Variants in NTRK3 observed in about 807,000 individuals in gnomAD.
NTRK3 encodes neurotrophic receptor tyrosine kinase 3.
A neutral mutation model predicts 91.7 loss-of-function variants in NTRK3; 24 were observed. The ratio of observed to expected loss-of-function variants is 0.26; its 90% CI spans 0.19 to 0.37. The LOEUF (loss-of-function observed/expected upper bound fraction) is 0.37, where lower values mean the gene tolerates loss of function less well. NTRK3 is among the 10% of genes least tolerant of loss of function. The pLI is 1.00. For missense variants in NTRK3, 880 were observed against 1,068.9 expected, an observed-to-expected ratio of 0.82 and a Z score of 2.46; for synonymous variants, 483 against 404.0, an observed-to-expected ratio of 1.20 and a Z score of -2.34.
chr15:87,964,524 C>G (rs2072612846), intron 14 of NTRK3, among the ~76,000 whole-genome samples: 1 of 151,868 alleles, frequency 6.6e-6, no homozygotes, highest in Non-Finnish European at 1.5e-5. Flanking sequence ...TAAAATTCAC[C>G]TATTTTAATG....
At chr15:87,863,769 G>A (rs764730006) in exon 19 of NTRK3, 1 of 229,882 alleles carries the variant, frequency 4.4e-6, no homozygotes, top group Non-Finnish European at 8.6e-6. Context: ...TAATTTATAT[G>A]GCTTGCTATG....
rs1163622077 is a variant in NTRK3, at chr15:87,942,627, G to T, written c.1586-1874C>A. Among the ~76,000 whole-genome samples the T allele has an allele frequency of 3.3e-5, 5 of 152,294 alleles. No individual in the cohort carries two copies. In the East Asian group the frequency reaches 9.7e-4, roughly 29 times the overall value. Reference sequence around the variant, plus strand: ...AAGCCCACATCTCTGAACACGCCGGGATTGGGAAGGCCTGGGAAGCCACAG... The same window carrying T: ...AAGCCCACATCTCTGAACACGCCGGTATTGGGAAGGCCTGGGAAGCCACAG... On this transcript the variant is annotated intron_variant, in intron 14 of 18. Coordinates refer to ENST00000394480, the Ensembl canonical transcript of NTRK3.
intron 3 of NTRK3, among the ~76,000 whole-genome samples, chr15:88,217,612 AGTT>A (rs1378815022): frequency 3.9e-5 from 6 of 152,142 alleles, no homozygotes; most frequent in South Asian, 4.1e-4. Flanking sequence ...AATGAGGAAG[AGTT>A]GTTGTTTAAT....
chr15:88,132,574 G>A (rs888226895), intron 10 of NTRK3, among the ~76,000 whole-genome samples: 1 of 152,190 alleles, frequency 6.6e-6, no homozygotes, highest in African/African-American at 2.4e-5. Context: ...ATGCTTAGCT[G>A]CCTGGAAGCA....
intron 3 of NTRK3, among the ~76,000 whole-genome samples, chr15:88,186,288 T>C (rs2046938618): frequency 1.3e-5 from 2 of 152,186 alleles, no homozygotes; most frequent in Admixed American, 6.5e-5. Context: ...ATTCCATAAA[T>C]GTGTTGTTAC....
At chr15:88,053,727 TA>T (rs1410521194) in intron 13 of NTRK3, among the ~76,000 whole-genome samples, 1 of 152,196 alleles carries the variant, frequency 6.6e-6, no homozygotes, top group Non-Finnish European at 1.5e-5. Context: ...GAAATATGTG[TA>T]AAATACTTAG....
At chr15:88,244,338 T>A (rs1008092841) in intron 3 of NTRK3, among the ~76,000 whole-genome samples, 29 of 152,134 alleles carry the variant, frequency 1.9e-4, no homozygotes, top group African/African-American at 6.3e-4. Flanking sequence ...CCCAATAACA[T>A]CTTACTTTGC....
chr15:87,926,059 A>G (rs1159115659), intron 17 of NTRK3, among the ~76,000 whole-genome samples: 1 of 152,248 alleles, frequency 6.6e-6, no homozygotes, highest in Non-Finnish European at 1.5e-5. Context: ...AAAATTGAAC[A>G]GAGGTTAGAG....
chr15:87,947,642 C>G (rs1053225064), intron 14 of NTRK3, among the ~76,000 whole-genome samples: 1 of 151,580 alleles, frequency 6.6e-6, no homozygotes, highest in Non-Finnish European at 1.5e-5. Flanking sequence ...GAGTCCTGAG[C>G]GTGACTACAC....
At position 88,177,819 on chromosome 15, in the gene NTRK3, T is replaced by C. The variant is rs946521657; in HGVS notation, c.395+5599A>G. Among the ~76,000 whole-genome samples, 13 of 152,348 alleles carry C rather than the reference T, an allele frequency of 8.5e-5. No individual in the cohort carries two copies. In the East Asian group the frequency reaches 2.5e-3, roughly 29 times the overall value. On this transcript the variant is annotated intron_variant, in intron 5 of 18. Coordinates refer to ENST00000394480, the Ensembl canonical transcript of NTRK3. ...GACCAACATGTGTTGGGAGGAAATC[T>C]TTAATAGCAAAAACATATATATTGA...
chr15:88,074,364 T>C (rs537216384), intron 13 of NTRK3, among the ~76,000 whole-genome samples: 5 of 152,244 alleles, frequency 3.3e-5, no homozygotes, highest in Non-Finnish European at 7.3e-5. Flanking sequence ...ACTGAGCTCT[T>C]GAAATGTGGC....
At chr15:87,923,288 G>A (rs2068025004) in intron 17 of NTRK3, among the ~76,000 whole-genome samples, 1 of 152,162 alleles carries the variant, frequency 6.6e-6, no homozygotes, top group Non-Finnish European at 1.5e-5. Context: ...TCATATAACT[G>A]GGTTCTTGCC....
chr15:88,167,107 T>C (rs532472668), intron 5 of NTRK3, among the ~76,000 whole-genome samples: 33 of 152,334 alleles, frequency 2.2e-4, no homozygotes, highest in South Asian at 2.1e-4. Flanking sequence ...ATTATCCATA[T>C]AATCACCTAA....
chr15:88,039,246 T>C (rs1004409835), intron 13 of NTRK3, among the ~76,000 whole-genome samples: 2 of 152,158 alleles, frequency 1.3e-5, no homozygotes, highest in African/African-American at 4.8e-5. Flanking sequence ...ACAATTACTT[T>C]GTTATGCAAC....
intron 3 of NTRK3, among the ~76,000 whole-genome samples, chr15:88,225,971 C>T (rs544296412): frequency 6.6e-6 from 1 of 152,196 alleles, no homozygotes; most frequent in African/African-American, 2.4e-5. Context: ...AGAGATGGCC[C>T]TTCTAAAGGG....
At chr15:87,866,373 AAAC>A (rs2064677721) in exon 19 of NTRK3, 1 of 178,714 alleles carries the variant, frequency 5.6e-6, no homozygotes, top group South Asian at 2.0e-4. Context: ...TCAAGAAAAG[AAAC>A]AATATGGAAC....
chr15:88,097,578 T>C (rs1406630873), intron 13 of NTRK3, among the ~76,000 whole-genome samples: 7 of 152,214 alleles, frequency 4.6e-5, no homozygotes, highest in African/African-American at 1.7e-4. Flanking sequence ...TAATCCTAAC[T>C]AAGGAAAACA....
intron 3 of NTRK3, chr15:88,252,638 C>G (rs1048818554): frequency 6.6e-6 from 1 of 152,410 alleles, no homozygotes; most frequent in African/African-American, 2.4e-5. Flanking sequence ...AGACAGTCCA[C>G]CATGGCCACC....
chr15:88,073,456 G>A (rs955550943), intron 13 of NTRK3, among the ~76,000 whole-genome samples: 6 of 152,150 alleles, frequency 3.9e-5, no homozygotes, highest in African/African-American at 7.2e-5. Flanking sequence ...GCCCAGAGGC[G>A]GGTGTTGTCA....
Sources: allele counts gnomAD v4.1 joint callset (sites outside exome capture counted in the v4.1 genomes callset), GRCh38; gene constraint gnomAD v4.1.1; transcripts MANE v1.5; gene names NCBI Gene and HGNC (gene_info 2026-07-23, HGNC 2026-07-21).